The following USP34 variants were observed in gnomAD, a reference collection of about 807,000 sequenced individuals.
USP34 encodes ubiquitin specific peptidase 34.
In USP34, 70 loss-of-function variants were observed where a neutral mutation model predicts 460.3. That is an observed-to-expected ratio of 0.15 (90% CI 0.13 to 0.19). The LOEUF (loss-of-function observed/expected upper bound fraction) is 0.19. Ranked by LOEUF, USP34 falls within the 10% of genes least tolerant of loss-of-function variation. The pLI is 1.00. For missense variants in USP34, 3,985 were observed against 4,236.2 expected (o/e 0.94, Z 1.65); for synonymous variants, 1,647 against 1,405.3 (o/e 1.17, Z -3.85).
At chr2:61,279,602 A>T (rs1479644327) in intron 39 of USP34, among the ~76,000 whole-genome samples, 1 of 152,090 alleles carries the variant, frequency 6.6e-6, no homozygotes, top group Non-Finnish European at 1.5e-5. Context: ...AGTAGCTAGG[A>T]CTACAGGCAC....
At chr2:61,378,127 C>T (rs1352428607) in intron 8 of USP34, among the ~76,000 whole-genome samples, 1 of 152,088 alleles carries the variant, frequency 6.6e-6, no homozygotes, top group Non-Finnish European at 1.5e-5. Context: ...GAGCCATGGT[C>T]CCACCACTGT....
chr2:61,207,000 C>T, intron 70 of USP34, 114 bp from the exon 71 acceptor site: 3 of 1,154,748 alleles, frequency 2.6e-6, no homozygotes, highest in South Asian at 3.2e-5. Flanking sequence ...TGTGTGTGCA[C>T]ATGTGTGCAA....
chr2:61,450,731 G>A (rs1344098892), intron 1 of USP34, among the ~76,000 whole-genome samples: 1 of 151,964 alleles, frequency 6.6e-6, no homozygotes, highest in African/African-American at 2.4e-5. Flanking sequence ...ACATAAAGGG[G>A]AAAAATATAA....
chr2:61,347,826 C>T, intron 15 of USP34, 44 bp downstream of exon 15: 2 of 1,591,616 alleles, frequency 1.3e-6, no homozygotes, highest in Non-Finnish European at 1.7e-6. Flanking sequence ...TAATACTTCC[C>T]TAAAGGAAAT....
At chr2:61,305,835 A>G (rs964753110) in intron 27 of USP34, among the ~76,000 whole-genome samples, 1 of 152,120 alleles carries the variant, frequency 6.6e-6, no homozygotes, top group Admixed American at 6.5e-5. Context: ...CCACCAATTC[A>G]GGTCACAAAC....
intron 1 of USP34, among the ~76,000 whole-genome samples, chr2:61,446,747 G>C (rs541157846): frequency 3.3e-5 from 5 of 150,368 alleles, no homozygotes; most frequent in African/African-American, 1.2e-4. Flanking sequence ...AATGAGCCGA[G>C]ATCGTGCCAC....
intron 8 of USP34, 26 bp downstream of exon 8, chr2:61,378,337 A>G: frequency 6.8e-7 from 1 of 1,480,630 alleles, no homozygotes; most frequent in Non-Finnish European, 9.2e-7. Context: ...TGGTATACTT[A>G]TATATAAATT....
At chr2:61,251,134 T>C (rs1390415501) in intron 48 of USP34, among the ~76,000 whole-genome samples, 1 of 151,980 alleles carries the variant, frequency 6.6e-6, no homozygotes, top group East Asian at 1.9e-4. Flanking sequence ...CGAGACTCCA[T>C]CTCAAAAAAA....
At chr2:61,204,220 T>G (rs1254658806) in intron 74 of USP34, 36 bp downstream of exon 74, 2 of 1,613,734 alleles carry the variant, frequency 1.2e-6, no homozygotes, top group African/African-American at 2.7e-5. Context: ...TACTTTGTAC[T>G]ATAGCAACAT....
chr2:61,337,481 C>T (rs1286409907), intron 18 of USP34, among the ~76,000 whole-genome samples: 1 of 151,880 alleles, frequency 6.6e-6, no homozygotes, highest in East Asian at 1.9e-4. Flanking sequence ...GAGACAAGGT[C>T]TCACTCTGTT....
rs534633709 is a variant in USP34 at position 61,443,925 on chromosome 2, G to T, written c.44-23092C>A. 3.9e-5 allele frequency among the ~76,000 whole-genome samples: 6 copies of T among 152,178 alleles called. No individual in the cohort carries two copies. The East Asian group carries it at 9.6e-4, about 24-fold the overall frequency. On this transcript the variant is annotated intron_variant, in intron 1 of 79. Coordinates refer to ENST00000398571, the MANE Select transcript of USP34 (RefSeq NM_014709.4). ...GTGTGGGGAGTCAGGTGGCATACCG[G>T]AAATATCTGCACCTTATGCTCAATT...
intron 7 of USP34, among the ~76,000 whole-genome samples, chr2:61,379,405 T>C (rs1459493454): frequency 6.6e-6 from 1 of 151,872 alleles, no homozygotes; most frequent in Non-Finnish European, 1.5e-5. Flanking sequence ...CTGTAGTCCC[T>C]GCTACTCAGG....
At chr2:61,197,896 A>T (rs529932568) in intron 75 of USP34, among the ~76,000 whole-genome samples, 1 of 152,248 alleles carries the variant, frequency 6.6e-6, no homozygotes, top group Non-Finnish European at 1.5e-5. Context: ...AGCAGCTGGG[A>T]CTACAGGCGT....
intron 15 of USP34, among the ~76,000 whole-genome samples, chr2:61,345,237 G>A (rs1342127974): frequency 6.6e-6 from 1 of 151,162 alleles, no homozygotes; most frequent in Non-Finnish European, 1.5e-5. Context: ...TCGTGCCACT[G>A]CACTCCAGCC....
At chr2:61,400,319 C>T (rs904890951) in intron 3 of USP34, among the ~76,000 whole-genome samples, 5 of 151,996 alleles carry the variant, frequency 3.3e-5, no homozygotes, top group Admixed American at 2.6e-4. Flanking sequence ...CTGTGTTAGC[C>T]AAGATGGTCT....
chr2:61,319,198 G>C lies in USP34; in HGVS notation c.3143C>G (p.Thr1048Ser). The C allele has an allele frequency of 1.9e-6, 3 of 1,566,918 alleles. No individual in the cohort carries two copies. The highest frequency in any genetic ancestry group is 2.6e-6 in the Non-Finnish European group (3 of 1,165,076). ...CTTCTCCAGGAAAAGATGTTTGTAG[G>C]TTTCCATACCCATAGCATGTTGATC... ...SKDQHAMGME[T>S]YKHLFLEKMP... Residue 1048 changes from threonine (T) to serine (S), a missense_variant, in exon 22 of 80, where the codon ACC (threonine) becomes AGC (serine). Thr to Ser is a moderately conservative substitution (Grantham distance 58). Transcript: ENST00000398571.
intron 1 of USP34, among the ~76,000 whole-genome samples, chr2:61,441,602 G>A (rs1694964556): frequency 6.6e-6 from 1 of 151,802 alleles, no homozygotes; most frequent in Admixed American, 6.6e-5. Flanking sequence ...GCCTAGGGCT[G>A]CTCCTGCCAC....
chr2:61,286,781 T>A (rs1482337625), intron 34 of USP34, among the ~76,000 whole-genome samples: 2 of 152,232 alleles, frequency 1.3e-5, no homozygotes, highest in Non-Finnish European at 2.9e-5. Context: ...GAATTTTCAA[T>A]AAGCTTGTAG....
chr2:61,470,327 G>A (rs1275586418), intron 1 of USP34, among the ~76,000 whole-genome samples: 1 of 152,108 alleles, frequency 6.6e-6, no homozygotes, highest in East Asian at 1.9e-4. Context: ...CAGGGCGAAG[G>A]AGGCGAAGGC....
Sources: gnomAD v4.1 joint callset for allele counts (sites outside exome capture counted in the v4.1 genomes callset) on GRCh38, gnomAD v4.1.1 for gene constraint, MANE v1.5 for transcripts, NCBI Gene and HGNC (gene_info 2026-07-23, HGNC 2026-07-21) for gene names.